Variants in E2F6 observed in about 807,000 individuals in gnomAD.
The protein encoded by E2F6 is transcription factor E2F6.
Under a neutral mutation model 31.5 loss-of-function variants are expected in E2F6, and 19 were observed. The ratio of observed to expected loss-of-function variants is 0.60; its 90% CI spans 0.42 to 0.89. The LOEUF (loss-of-function observed/expected upper bound fraction) is 0.89, where lower values mean the gene tolerates loss of function less well. E2F6 is among the 40% of genes least tolerant of loss of function. The pLI is 0.00. For missense variants in E2F6, 269 were observed against 341.6 expected (o/e 0.79, Z 1.67); for synonymous variants, 121 against 127.7 (o/e 0.95, Z 0.36).
intron 1 of E2F6, among the ~76,000 whole-genome samples, chr2:11,463,179 C>G (rs1671892147): frequency 6.6e-6 from 1 of 152,160 alleles, no homozygotes; most frequent in Non-Finnish European, 1.5e-5. Context: ...TCAAACAACA[C>G]AGGTTTGAAT....
intron 1 of E2F6, among the ~76,000 whole-genome samples, chr2:11,465,424 G>A (rs1259433332): frequency 6.6e-6 from 1 of 152,162 alleles, no homozygotes; most frequent in Non-Finnish European, 1.5e-5. Flanking sequence ...GGCTGCAGTA[G>A]AGCAGAAGGA....
intron 1 of E2F6, among the ~76,000 whole-genome samples, chr2:11,458,895 T>C (rs936198136): frequency 2.6e-5 from 4 of 152,030 alleles, no homozygotes; most frequent in Non-Finnish European, 5.9e-5. Flanking sequence ...GCCTTGGGGG[T>C]AGGGACTAGG....
chr2:11,465,720 G>A (rs924435754), intron 1 of E2F6, 52 bp downstream of exon 1: 11 of 1,539,120 alleles, frequency 7.1e-6, no homozygotes, highest in African/African-American at 6.9e-5. Context: ...CGGGGAGGAG[G>A]GGGCCGGATT....
At chr2:11,460,956 GGAGT>G (rs147549725) in intron 1 of E2F6, among the ~76,000 whole-genome samples, 8,283 of 152,074 alleles carry the variant, frequency 0.054, 665 homozygotes, top group African/African-American at 0.18. Flanking sequence ...TACCAGAAGT[GGAGT>G]GAGTCATACT....
At chr2:11,465,651 G>C (rs1672133094) in intron 1 of E2F6, 121 bp downstream of exon 1, 1 of 965,690 alleles carries the variant, frequency 1.0e-6, no homozygotes, top group Middle Eastern at 2.3e-4. Flanking sequence ...GTGATGGGCA[G>C]CGCCTGGCCC....
At position 11,451,761 on chromosome 2, in the gene E2F6, C is replaced by T. The variant is rs556818747; in HGVS notation, c.426G>A (p.Lys142=). 2.3e-5 allele frequency: 37 copies of T among 1,608,972 alleles called. No individual in the cohort carries two copies. In the South Asian group the frequency reaches 4.0e-4, roughly 17 times the overall value. Residue 142 remains lysine, a synonymous_variant, in exon 4 of 7, where the codon AAG becomes AAA. Transcript: ENST00000381525. ...ATAAGTCAGAAAGTTCCTCCTGTAG[C>T]TTCTTTTGTTGGGGAACTGCTCCAA... The part of the protein sequence containing the change: ...SNFGAVPQQK[K]LQEELSDLSA...
At chr2:11,459,922 T>C (rs903041596) in intron 1 of E2F6, among the ~76,000 whole-genome samples, 2 of 152,060 alleles carry the variant, frequency 1.3e-5, no homozygotes, top group African/African-American at 4.8e-5. Flanking sequence ...ATTGTTTGCA[T>C]GCTAGCTGCA....
rs565473577 is a variant in E2F6 at position 11,461,572 on chromosome 2, C to T, written c.108+4200G>A. Among the ~76,000 whole-genome samples, 49 of 152,252 alleles carry T rather than the reference C, an allele frequency of 3.2e-4. 1 individual carries two copies. Among genetic ancestry groups the T allele is most frequent in the Non-Finnish European group, 6.8e-4 (46 of 68,020 alleles). ...TTCACCACATTAGCCAGGCTGGTCT[C>T]GAAATCCGGACCTCAGGTGATCCAC... On this transcript the variant is annotated intron_variant, in intron 1 of 6. Coordinates refer to ENST00000381525, the MANE Select transcript of E2F6 (RefSeq NM_198256.4).
At chr2:11,451,332 A>G (rs920205925) in intron 4 of E2F6, 14 of 175,608 alleles carry the variant, frequency 8.0e-5, no homozygotes, top group African/African-American at 1.5e-4. Context: ...TTATACTACT[A>G]CCAACTTTTA....
chr2:11,447,072 T>G (rs1670763591), intron 6 of E2F6, among the ~76,000 whole-genome samples: 1 of 152,222 alleles, frequency 6.6e-6, no homozygotes, highest in East Asian at 1.9e-4. Context: ...GCTGGTCCCC[T>G]GCTCAGGCAA....
chr2:11,457,461 A>G (rs1425625675), intron 1 of E2F6, among the ~76,000 whole-genome samples: 1 of 152,186 alleles, frequency 6.6e-6, no homozygotes, highest in African/African-American at 2.4e-5. Flanking sequence ...CATCTCGACT[A>G]AAAATACAAA....
intron 6 of E2F6, among the ~76,000 whole-genome samples, chr2:11,446,962 G>A (rs1175037047): frequency 6.6e-6 from 1 of 152,228 alleles, no homozygotes; most frequent in Non-Finnish European, 1.5e-5. Flanking sequence ...CTGGCCCGCA[G>A]TGCTTGTCAA....
chr2:11,455,522 C>A (rs139355387), intron 2 of E2F6: 3 of 1,222,294 alleles, frequency 2.5e-6, no homozygotes, highest in Admixed American at 2.4e-5. Context: ...GATTTTTAAT[C>A]GGAAGTAGAG....
intron 1 of E2F6, among the ~76,000 whole-genome samples, chr2:11,464,387 G>C (rs1392401015): frequency 6.6e-6 from 1 of 151,650 alleles, no homozygotes; most frequent in Non-Finnish European, 1.5e-5. Flanking sequence ...CGTGGTGGCG[G>C]GTGCCTGTAG....
At chr2:11,448,604 G>A (rs1670868290) in intron 5 of E2F6, among the ~76,000 whole-genome samples, 1 of 152,276 alleles carries the variant, frequency 6.6e-6, no homozygotes, top group East Asian at 1.9e-4. Context: ...CTACAAGTGG[G>A]CTAGAGAACA....
rs778065399 is a variant in E2F6, at chr2:11,462,133, C to G, written c.108+3639G>C. Among the ~76,000 whole-genome samples, 51 of 152,028 alleles carry G rather than the reference C, an allele frequency of 3.4e-4. 1 individual carries two copies. The highest frequency in any genetic ancestry group is 1.4e-3 in the Admixed American group (21 of 15,266). Reference sequence around the variant, plus strand: ...AAACTCATCTTTAATATTCTGTTTCCCAGAACCATTCCTGGTACCAAAATC... The same window carrying G: ...AAACTCATCTTTAATATTCTGTTTCGCAGAACCATTCCTGGTACCAAAATC... On this transcript the variant is annotated intron_variant, in intron 1 of 6. Transcript: ENST00000381525.
chr2:11,457,475 T>G (rs1671480180), intron 1 of E2F6, among the ~76,000 whole-genome samples: 1 of 152,072 alleles, frequency 6.6e-6, no homozygotes, highest in Admixed American at 6.5e-5. Context: ...ATACAAAAAT[T>G]AGCCGGGCGT....
At chr2:11,464,365 A>C (rs1671994511) in intron 1 of E2F6, among the ~76,000 whole-genome samples, 1 of 151,844 alleles carries the variant, frequency 6.6e-6, no homozygotes. Flanking sequence ...ATACAAAAAA[A>C]AATTAGCCGT....
intron 5 of E2F6, 52 bp downstream of exon 5, chr2:11,449,960 C>T: frequency 2.2e-6 from 3 of 1,393,142 alleles, no homozygotes; most frequent in Non-Finnish European, 3.0e-6. Context: ...ACAGCCTAAG[C>T]AGTCGGCCCT....
Sources: allele counts gnomAD v4.1 joint callset (sites outside exome capture counted in the v4.1 genomes callset), GRCh38; gene constraint gnomAD v4.1.1; transcripts MANE v1.5; gene names NCBI Gene and HGNC (gene_info 2026-07-23, HGNC 2026-07-21).